The following GABBR2 variants were observed in gnomAD, a reference collection of about 807,000 sequenced individuals.
GABBR2 encodes the protein gamma-aminobutyric acid type B receptor subunit 2, also known as G-protein coupled receptor 51.
In GABBR2, 23 loss-of-function variants were observed where a neutral mutation model predicts 105.6. The ratio of observed to expected loss-of-function variants is 0.22; its 90% CI spans 0.16 to 0.31. The LOEUF (loss-of-function observed/expected upper bound fraction) is 0.31. Among genes scored for constraint, GABBR2 ranks in the 10% least tolerant of loss-of-function variants. GABBR2 has a pLI of 1.00. For synonymous variants in GABBR2, 478 were observed against 499.7 expected (o/e 0.96, Z 0.58); for missense variants, 734 against 1,245.5 (o/e 0.59, Z 6.18).
At chr9:98,470,206 T>A (rs1034190542) in intron 6 of GABBR2, among the ~76,000 whole-genome samples, 1 of 152,110 alleles carries the variant, frequency 6.6e-6, no homozygotes, top group Non-Finnish European at 1.5e-5. Context: ...GTGCAAAATT[T>A]AAGGGAGAGT....
At chr9:98,408,954 G>C (rs1588145357) in intron 7 of GABBR2, among the ~76,000 whole-genome samples, 1 of 152,140 alleles carries the variant, frequency 6.6e-6, no homozygotes, top group Non-Finnish European at 1.5e-5. Flanking sequence ...AATTTACTAG[G>C]GGAGCTGCTT....
intron 1 of GABBR2, among the ~76,000 whole-genome samples, chr9:98,678,453 C>T (rs1230353079): frequency 6.6e-6 from 1 of 152,190 alleles, no homozygotes; most frequent in Non-Finnish European, 1.5e-5. Flanking sequence ...CCTGCCCCTG[C>T]TGGCAGCTGG....
At chr9:98,627,977 C>A (rs1213497730) in intron 1 of GABBR2, among the ~76,000 whole-genome samples, 1 of 152,208 alleles carries the variant, frequency 6.6e-6, no homozygotes, top group African/African-American at 2.4e-5. Flanking sequence ...CTGAAAAAAA[C>A]AGTTTCAAGA....
chr9:98,589,875 C>A (rs542969460), intron 1 of GABBR2, among the ~76,000 whole-genome samples: 26 of 152,162 alleles, frequency 1.7e-4, no homozygotes, highest in African/African-American at 6.0e-4. Flanking sequence ...CCACCACCAC[C>A]ACACTAATTT....
rs1340083024 is a variant in GABBR2 at position 98,317,954 on chromosome 9, C to T, written c.1894-6749G>A. On this transcript the variant is annotated intron_variant, in intron 13 of 18. Transcript: ENST00000259455. ...GATCAGGTAGCCTGGGATGGCTACTCTGCAGTGGTGACATTTAGTCTGAGA... is the reference window on the plus strand; with the variant it reads ...GATCAGGTAGCCTGGGATGGCTACTTTGCAGTGGTGACATTTAGTCTGAGA... Among the ~76,000 whole-genome samples the T allele has an allele frequency of 2.0e-5, 3 of 152,178 alleles. No individual in the cohort carries two copies. The South Asian group carries it at 6.2e-4, about 32-fold the overall frequency.
At chr9:98,477,787 A>G (rs1393298972) in intron 5 of GABBR2, among the ~76,000 whole-genome samples, 1 of 152,228 alleles carries the variant, frequency 6.6e-6, no homozygotes, top group Non-Finnish European at 1.5e-5. Context: ...AAGGTTTACA[A>G]CAATAATAGT....
chr9:98,622,521 G>A (rs1829683483), intron 1 of GABBR2, among the ~76,000 whole-genome samples: 1 of 78,706 alleles, frequency 1.3e-5, no homozygotes, highest in South Asian at 3.5e-4. Context: ...AGCTAGCTAT[G>A]TACTGCAGTC....
chr9:98,337,459 C>T (rs972635175), intron 13 of GABBR2, among the ~76,000 whole-genome samples: 14 of 152,130 alleles, frequency 9.2e-5, no homozygotes, highest in African/African-American at 3.4e-4. Flanking sequence ...TCCCAACAGC[C>T]TTTTTTACAG....
intron 11 of GABBR2, among the ~76,000 whole-genome samples, chr9:98,380,126 C>T (rs959620567): frequency 1.3e-5 from 2 of 152,220 alleles, no homozygotes; most frequent in African/African-American, 4.8e-5. Flanking sequence ...GTTTTCTGCT[C>T]CGTCAGGTGG....
intron 1 of GABBR2, among the ~76,000 whole-genome samples, chr9:98,681,217 A>G (rs1204147696): frequency 6.9e-6 from 1 of 145,258 alleles, no homozygotes; most frequent in Non-Finnish European, 1.5e-5. Flanking sequence ...GATAGACTGG[A>G]TTAAGAAAAT....
chr9:98,605,030 C>A (rs1468502673), intron 1 of GABBR2, among the ~76,000 whole-genome samples: 1 of 152,248 alleles, frequency 6.6e-6, no homozygotes, highest in Non-Finnish European at 1.5e-5. Flanking sequence ...CTCCCACCCA[C>A]ATCACCCCTA....
At chr9:98,418,462 G>C (rs1323694842) in intron 7 of GABBR2, among the ~76,000 whole-genome samples, 1 of 152,130 alleles carries the variant, frequency 6.6e-6, no homozygotes, top group African/African-American at 2.4e-5. Context: ...TTAAGCCTAG[G>C]AGGTCAGGGC....
intron 1 of GABBR2, among the ~76,000 whole-genome samples, chr9:98,604,880 A>G (rs563861593): frequency 3.3e-5 from 5 of 152,296 alleles, no homozygotes; most frequent in East Asian, 1.9e-4. Flanking sequence ...TGGTACTCCA[A>G]TCTAGACCCC....
chr9:98,483,277 C>T (rs1219062639), intron 4 of GABBR2, among the ~76,000 whole-genome samples: 1 of 152,108 alleles, frequency 6.6e-6, no homozygotes, highest in Non-Finnish European at 1.5e-5. Context: ...TTAATCAGTC[C>T]CAACCCTCCA....
At position 98,292,848 on chromosome 9, in the gene GABBR2, T is replaced by TGAATA. The variant is rs1830322440; in HGVS notation, c.2660+936_2660+937insTATTC. Among the ~76,000 whole-genome samples the TGAATA allele has an allele frequency of 2.0e-5, 3 of 152,346 alleles. No homozygotes were observed. In the South Asian group the frequency reaches 6.2e-4, roughly 32 times the overall value. On this transcript the variant is annotated intron_variant, in intron 18 of 18. Transcript: ENST00000259455. ...AGAACCTATTCACTGGCAGAACCTG[T>TGAATA]GTTCGGTGCAGGGGACACATGAAGG...
intron 1 of GABBR2, among the ~76,000 whole-genome samples, chr9:98,611,167 G>GC (rs201822656): frequency 0.012 from 1,833 of 152,108 alleles, 40 homozygotes; most frequent in African/African-American, 0.042. Flanking sequence ...GGGCTCCTCA[G>GC]CCCCCCGGAG....
At chr9:98,692,697 G>C (rs1001757284) in intron 1 of GABBR2, among the ~76,000 whole-genome samples, 3 of 152,238 alleles carry the variant, frequency 2.0e-5, no homozygotes, top group African/African-American at 7.2e-5. Context: ...TCACACCCCA[G>C]CTCACCATGC....
intron 13 of GABBR2, among the ~76,000 whole-genome samples, chr9:98,355,782 A>G (rs1280950864): frequency 6.6e-6 from 1 of 152,250 alleles, no homozygotes; most frequent in Non-Finnish European, 1.5e-5. Flanking sequence ...ATTAAAGAAC[A>G]AAGTTGGAGA....
chr9:98,348,266 G>T (rs1390763390), intron 13 of GABBR2, among the ~76,000 whole-genome samples: 1 of 152,074 alleles, frequency 6.6e-6, no homozygotes, highest in African/African-American at 2.4e-5. Flanking sequence ...TTTATTTAGG[G>T]GCTTTCTATT....
Sources: allele counts gnomAD v4.1 joint callset (sites outside exome capture counted in the v4.1 genomes callset), GRCh38; gene constraint gnomAD v4.1.1; transcripts MANE v1.5; gene names NCBI Gene and HGNC (gene_info 2026-07-23, HGNC 2026-07-21).